Variants in SMG9 observed in about 807,000 individuals in gnomAD.
SMG9 encodes SMG9 nonsense mediated mRNA decay factor.
Under a neutral mutation model 64.0 loss-of-function variants are expected in SMG9, and 55 were observed. That is an observed-to-expected ratio of 0.86 (90% CI 0.69 to 1.08). The LOEUF is 1.08. Among genes scored for constraint, SMG9 ranks in the 50% least tolerant of loss-of-function variants. SMG9 has a pLI of 0.00. For missense variants in SMG9, 554 were observed against 681.3 expected, an observed-to-expected ratio of 0.81 and a Z score of 2.08; for synonymous variants, 244 against 254.8, an observed-to-expected ratio of 0.96 and a Z score of 0.41.
Position 43,728,195 on chromosome 19 carries a change from G to A in SMG9, c.*3401C>T, listed in dbSNP as rs1968363275. The A allele has an allele frequency of 6.6e-6, 1 of 152,210 alleles. No individual in the cohort carries two copies. The highest frequency in any genetic ancestry group is 2.4e-5 in the African/African-American group (1 of 41,418). The allele number at this position is 152,210 out of a possible 1,614,324, so 9.4% of individuals were successfully genotyped here. A position where few individuals can be genotyped will look rare whatever the true frequency, so the allele number is the denominator to read the frequency against. ...GTTTGTAGTCACCACTGTTGGAGGT[G>A]GGGCCTGGCGGGAGGGACGGCATCA... On this transcript the variant is annotated 3_prime_UTR_variant, in exon 14 of 14. Coordinates refer to ENST00000270066, the MANE Select transcript of SMG9 (RefSeq NM_019108.4).
At chr19:43,743,157 G>A (rs927435366) in intron 6 of SMG9, among the ~76,000 whole-genome samples, 1 of 152,082 alleles carries the variant, frequency 6.6e-6, no homozygotes, top group African/African-American at 2.4e-5. Context: ...CACACCACAG[G>A]CTGACGTGGC....
At chr19:43,743,266 G>C (rs1007358105) in intron 6 of SMG9, among the ~76,000 whole-genome samples, 15 of 152,188 alleles carry the variant, frequency 9.9e-5, no homozygotes, top group Non-Finnish European at 2.9e-5. Flanking sequence ...AGCTGAAATG[G>C]AAAGAATGTT....
intron 1 of SMG9, among the ~76,000 whole-genome samples, chr19:43,751,761 C>A (rs1969197522): frequency 6.6e-6 from 1 of 152,186 alleles, no homozygotes. Context: ...CTATCCTGGG[C>A]TGTAAGGCAA....
rs869312742 is a variant in SMG9 at position 43,744,768 on chromosome 19, T to C, written c.701+4A>G. The C allele has an allele frequency of 6.2e-7, 1 of 1,610,852 alleles. No homozygotes were observed. Among genetic ancestry groups the C allele is most frequent in the Middle Eastern group, 1.7e-4 (1 of 6,042 alleles). On this transcript the variant is annotated splice_donor_region_variant and intron_variant, in intron 6 of 13. Coordinates refer to ENST00000270066, the MANE Select transcript of SMG9 (RefSeq NM_019108.4). The stretch of plus-strand genomic sequence containing the variant: ...CTCCTGCACCCTATCTGATAGCCCC[T>C]CACCTCTGGTCCTCCTCTGGAGTGT...
In SMG9 at chr19:43,747,808, C is replaced by T. The variant is rs1361290605; in HGVS notation, c.315G>A (p.Glu105=). ...EKPIVLMKPR[E]EGKGPVAVTG... is the part of the protein sequence containing the mutation. Reference sequence around the variant, plus strand: ...TCACGGCCACAGGCCCCTTCCCCTCCTCCCGTGGCTTCATGAGAACGATGG... The same window carrying T: ...TCACGGCCACAGGCCCCTTCCCCTCTTCCCGTGGCTTCATGAGAACGATGG... Residue 105 remains glutamate (E), a synonymous_variant, in exon 4 of 14, where the codon GAG becomes GAA. Transcript: ENST00000270066. 6.2e-7 allele frequency: 1 copy of T among 1,605,038 alleles called. No individual in the cohort carries two copies.
At chr19:43,743,082 AAG>A (rs942885794) in intron 6 of SMG9, among the ~76,000 whole-genome samples, 23 of 152,046 alleles carry the variant, frequency 1.5e-4, no homozygotes, top group Non-Finnish European at 2.6e-4. Flanking sequence ...CAAAAAAAAA[AAG>A]AGAGAGAGAG....
In SMG9 at chr19:43,750,712, T is replaced by C; in HGVS notation, c.30A>G (p.Gly10=). 6.2e-7 allele frequency: 1 copy of C among 1,613,398 alleles called. No individual in the cohort carries two copies. The highest frequency in any genetic ancestry group is 1.7e-5 in the Admixed American group (1 of 59,892). Residue 10 remains glycine (G), a synonymous_variant, in exon 2 of 14, where the codon GGA becomes GGG. Coordinates refer to ENST00000270066, the MANE Select transcript of SMG9 (RefSeq NM_019108.4). MSESGHSQP[G]LYGIERRRRW... ...GTCGCCGCCGCTCTATCCCATAGAG[T>C]CCAGGCTGACTGTGTCCAGACTCAG...
chr19:43,753,448 G>A (rs571083089), intron 1 of SMG9, among the ~76,000 whole-genome samples: 283 of 150,300 alleles, frequency 1.9e-3, no homozygotes, highest in Non-Finnish European at 3.5e-3. Flanking sequence ...GCCCCTGTGT[G>A]AATGCTTTTC....
intron 12 of SMG9, 83 bp downstream of exon 12, chr19:43,733,241 G>A (rs1166725207): frequency 1.2e-5 from 18 of 1,539,916 alleles, no homozygotes; most frequent in African/African-American, 2.8e-5. Context: ...AACCCATGTC[G>A]CCTCCTAGAC....
At position 43,729,021 on chromosome 19, in the gene SMG9, C is replaced by A; in HGVS notation, c.*2575G>T. ...ATATCTAGCTGGTGTCCACAGTGGC[C>A]TGCTGGCAGCATCAGCCTGAGTCCT... On this transcript the variant is annotated 3_prime_UTR_variant, in exon 14 of 14. Coordinates refer to ENST00000270066, the MANE Select transcript of SMG9 (RefSeq NM_019108.4). The A allele has an allele frequency of 1.0e-6, 1 of 985,638 alleles. No homozygotes were observed. The highest frequency in any genetic ancestry group is 1.2e-6 in the Non-Finnish European group (1 of 830,096). The allele number at this position is 985,638 out of a possible 1,614,324, so 61.1% of individuals were successfully genotyped here. A position where few individuals can be genotyped will look rare whatever the true frequency, so the allele number is the denominator to read the frequency against.
rs1000910834 is a variant in SMG9, at chr19:43,731,517, C to T, written c.*79G>A. 21 of 1,592,216 alleles carry T rather than the reference C, an allele frequency of 1.3e-5. No individual in the cohort carries two copies. The highest frequency in any genetic ancestry group is 5.6e-5 in the South Asian group (5 of 89,248). ...GGCCTGCTGCCGCTCTCCACCCCAGCGGGGGATGGACATCTGTGCTCCCTC... is the reference window on the plus strand; with the variant it reads ...GGCCTGCTGCCGCTCTCCACCCCAGTGGGGGATGGACATCTGTGCTCCCTC... On this transcript the variant is annotated 3_prime_UTR_variant, in exon 14 of 14. Coordinates refer to ENST00000270066, the MANE Select transcript of SMG9 (RefSeq NM_019108.4).
At chr19:43,736,730 G>C (rs2146368368) in intron 9 of SMG9, among the ~76,000 whole-genome samples, 2 of 152,310 alleles carry the variant, frequency 1.3e-5, no homozygotes, top group South Asian at 4.1e-4. Flanking sequence ...TTCGAATGGG[G>C]GAGAAAGATC....
At position 43,744,806 on chromosome 19, in the gene SMG9, A is replaced by T. The variant is rs1331231085; in HGVS notation, c.667T>A (p.Leu223Met). 1 of 1,613,718 alleles carries T rather than the reference A, an allele frequency of 6.2e-7. No individual in the cohort carries two copies. Among genetic ancestry groups the T allele is most frequent in the East Asian group, 2.2e-5 (1 of 44,860 alleles). Reference sequence around the variant, plus strand: ...TCCTCTGGAGTGTTGGCTGACAACAATGACATGACCATGGACTTGCCTGTC... The same window carrying T: ...TCCTCTGGAGTGTTGGCTGACAACATTGACATGACCATGGACTTGCCTGTC... Reference protein sequence around the residue: ...QGTGKSMVMSLLSANTPEEDQ... With the variant: ...QGTGKSMVMSMLSANTPEEDQ... The change falls in exon 6 of 14, where the codon TTG (leucine) becomes ATG (methionine). Residue 223 changes from leucine to methionine, a missense_variant. By Grantham distance (15) the Leu-to-Met change is conservative. Transcript: ENST00000270066.
At chr19:43,733,602 G>T (rs759553144) in intron 11 of SMG9, 24 bp downstream of exon 11, 29 of 1,609,060 alleles carry the variant, frequency 1.8e-5, no homozygotes, top group Non-Finnish European at 2.3e-5. Flanking sequence ...TGACTAGCTT[G>T]GGGGGTGATG....
rs1294608665 is a variant in SMG9, at chr19:43,732,838, C to T, written c.1484+20G>A. The T allele has an allele frequency of 2.5e-6, 4 of 1,613,536 alleles. No homozygotes were observed. The African/African-American group carries it at 4.0e-5, about 16-fold the overall frequency. ...AGGGTGGGGTGCCTCAAATTGACCC[C>T]CTCTGCAAAGAGCTCTTACCAGTTC... On this transcript the variant is annotated intron_variant, in intron 13 of 13. Coordinates refer to ENST00000270066, the MANE Select transcript of SMG9 (RefSeq NM_019108.4).
intron 12 of SMG9, 39 bp downstream of exon 12, chr19:43,733,285 G>A (rs200516292): frequency 5.7e-4 from 916 of 1,609,924 alleles, no homozygotes; most frequent in Non-Finnish European, 7.5e-4. Flanking sequence ...GATCAGGATA[G>A]GACTTGTCTC....
At chr19:43,741,720 G>A (rs1195328860) in intron 6 of SMG9, among the ~76,000 whole-genome samples, 1 of 152,154 alleles carries the variant, frequency 6.6e-6, no homozygotes, top group Non-Finnish European at 1.5e-5. Context: ...GCCCATGCCA[G>A]TCCCTTTCAC....
intron 2 of SMG9, 53 bp downstream of exon 2, chr19:43,750,539 G>A (rs1182768930): frequency 9.6e-6 from 15 of 1,555,234 alleles, no homozygotes; most frequent in Non-Finnish European, 1.2e-5. Flanking sequence ...CACATGGCAG[G>A]TGCGTGGAAC....
rs377252810 is a variant in SMG9 at position 43,732,916 on chromosome 19, G to A, written c.1426C>T (p.Gln476Ter). Residue 476 changes from glutamine (Q) to a stop codon, truncating the protein, a stop_gained, in exon 13 of 14, where the codon CAA becomes TAA. Transcript: ENST00000270066. LOFTEE classifies it high-confidence loss of function. ...TGTGGCCGGGCCATGGACATCACTTGGCTCCGGAGCTTGCTCACCAAGGAC... is the reference window on the plus strand; with the variant it reads ...TGTGGCCGGGCCATGGACATCACTTAGCTCCGGAGCTTGCTCACCAAGGAC... ...FQSLVSKLRS[Q>*]VMSMARPQLS... The A allele has an allele frequency of 5.0e-6, 8 of 1,613,912 alleles. No individual in the cohort carries two copies. The highest frequency in any genetic ancestry group is 6.8e-6 in the Non-Finnish European group (8 of 1,180,012).
Sources: allele counts gnomAD v4.1 joint callset (sites outside exome capture counted in the v4.1 genomes callset), GRCh38; gene constraint gnomAD v4.1.1; transcripts MANE v1.5; gene names NCBI Gene and HGNC (gene_info 2026-07-23, HGNC 2026-07-21).